SUPT3H: variants seen among roughly 807,000 people sequenced by gnomAD.
SUPT3H encodes transcription initiation protein SPT3 homolog.
A neutral mutation model predicts 44.3 loss-of-function variants in SUPT3H; 44 were observed. That is an observed-to-expected ratio of 0.99 (90% confidence interval 0.78 to 1.28). The LOEUF (loss-of-function observed/expected upper bound fraction) is 1.28. Among genes scored for constraint, SUPT3H ranks in the 50% most tolerant of loss-of-function variants. SUPT3H has a pLI of 0.00. For synonymous variants in SUPT3H, 124 were observed against 125.6 expected, an observed-to-expected ratio of 0.99 and a Z score of 0.09; for missense variants, 380 against 387.1, an observed-to-expected ratio of 0.98 and a Z score of 0.15.
At chr6:44,910,195 T>C (rs990558594) in intron 10 of SUPT3H, among the ~76,000 whole-genome samples, 1 of 152,116 alleles carries the variant, frequency 6.6e-6, no homozygotes, top group Non-Finnish European at 1.5e-5. Context: ...TCTTTTCCCC[T>C]ACACCTTGGA....
At position 45,221,941 on chromosome 6, in the gene SUPT3H, T is replaced by C. The variant is rs184771645; in HGVS notation, c.102-115935A>G. Among the ~76,000 whole-genome samples, 27 of 152,128 alleles carry C rather than the reference T, an allele frequency of 1.8e-4. No individual in the cohort carries two copies. The East Asian group carries it at 4.4e-3, about 25-fold the overall frequency. Reference sequence around the variant, plus strand: ...GTAGATGGACAAAAACATAGATCAATAGAACAGAATACAGAACGCAGAAAT... The same window carrying C: ...GTAGATGGACAAAAACATAGATCAACAGAACAGAATACAGAACGCAGAAAT... On this transcript the variant is annotated intron_variant, in intron 2 of 10. Transcript: ENST00000371459.
chr6:45,295,524 C>CAAAAAAAA lies in SUPT3H; in HGVS notation c.101+69669_101+69676dup, dbSNP rs752887669. On this transcript the variant is annotated intron_variant, in intron 2 of 10. Coordinates refer to ENST00000371459, the MANE Select transcript of SUPT3H (RefSeq NM_003599.4). The stretch of plus-strand genomic sequence containing the variant: ...ATTAAACGAAAGAGCTTTTGCACAG[C>CAAAAAAAA]AAAAAAAAAAAAAAAAAAAAAAAAA... Among the ~76,000 whole-genome samples the CAAAAAAAA allele has an allele frequency of 1.0e-3, 40 of 40,092 alleles. 1 individual carries two copies. Among genetic ancestry groups the CAAAAAAAA allele is most frequent in the East Asian group, 4.9e-3 (2 of 406 alleles). 26.3% of individuals were successfully genotyped at this position (40,092 alleles called of 152,430 possible).
At chr6:45,292,395 C>T (rs758319032) in intron 2 of SUPT3H, among the ~76,000 whole-genome samples, 2 of 151,844 alleles carry the variant, frequency 1.3e-5, no homozygotes, top group Non-Finnish European at 2.9e-5. Flanking sequence ...AAAACAAAAA[C>T]AAAAATACAA....
chr6:45,170,608 A>C (rs919896973), intron 2 of SUPT3H, among the ~76,000 whole-genome samples: 2 of 152,174 alleles, frequency 1.3e-5, no homozygotes, highest in Non-Finnish European at 2.9e-5. Flanking sequence ...CTGAAATAAA[A>C]ATGACTACCA....
intron 2 of SUPT3H, among the ~76,000 whole-genome samples, chr6:45,128,669 G>C (rs976858778): frequency 1.5e-5 from 2 of 135,038 alleles, no homozygotes; most frequent in Non-Finnish European, 3.1e-5. Flanking sequence ...AGAATGAAAA[G>C]TATTTTTTTC....
chr6:45,158,536 T>C (rs1417798968), intron 2 of SUPT3H, among the ~76,000 whole-genome samples: 4 of 151,724 alleles, frequency 2.6e-5, no homozygotes, highest in Non-Finnish European at 5.9e-5. Context: ...CCTCAAAACA[T>C]CTGAACTCTA....
chr6:45,244,543 T>C (rs1336092877), intron 2 of SUPT3H, among the ~76,000 whole-genome samples: 1 of 152,210 alleles, frequency 6.6e-6, no homozygotes, highest in Non-Finnish European at 1.5e-5. Flanking sequence ...TACCTTTTCC[T>C]GAAAACTGGT....
chr6:45,183,952 CA>C lies in SUPT3H; in HGVS notation c.102-77947del, dbSNP rs764402658. On this transcript the variant is annotated intron_variant, in intron 2 of 10. Coordinates refer to ENST00000371459, the MANE Select transcript of SUPT3H (RefSeq NM_003599.4). ...AGGAAGTGAAAGATGAAGGGATGAA[CA>C]GGTAGACACAAAGAATTTTTAGCAC... 2.6e-5 allele frequency among the ~76,000 whole-genome samples: 4 copies of C among 152,208 alleles called. No homozygotes were observed. In the South Asian group the frequency reaches 6.2e-4, roughly 24 times the overall value.
intron 2 of SUPT3H, among the ~76,000 whole-genome samples, chr6:45,261,647 A>T (rs1774387633): frequency 6.6e-6 from 1 of 152,140 alleles, no homozygotes; most frequent in South Asian, 2.1e-4. Flanking sequence ...AGCTGGAAGC[A>T]TTCTCCTTGA....
chr6:45,141,338 C>CAAAAAAAAAAAAAAAAAA (rs1162738855), intron 2 of SUPT3H, among the ~76,000 whole-genome samples: 2 of 45,280 alleles, frequency 4.4e-5, no homozygotes, highest in Non-Finnish European at 3.5e-5. Flanking sequence ...GACTCCATCT[C>CAAAAAAAAAAAAAAAAAA]AAAAAAAAAA....
At chr6:45,127,849 T>G in intron 2 of SUPT3H, among the ~76,000 whole-genome samples, 1 of 152,206 alleles carries the variant, frequency 6.6e-6, no homozygotes, top group East Asian at 1.9e-4. Flanking sequence ...GCTATAAATT[T>G]CTCTGTAGGC....
chr6:44,945,901 C>T (rs1177760341), intron 9 of SUPT3H, among the ~76,000 whole-genome samples: 6 of 152,138 alleles, frequency 3.9e-5, no homozygotes, highest in Non-Finnish European at 8.8e-5. Context: ...CCATCTTGGC[C>T]ATTCATAGCT....
chr6:45,120,239 C>T (rs997801630), intron 2 of SUPT3H, among the ~76,000 whole-genome samples: 8 of 151,290 alleles, frequency 5.3e-5, no homozygotes, highest in South Asian at 2.1e-4. Context: ...GAAGAGACTT[C>T]GGAAGTAATT....
chr6:45,179,931 C>G (rs12196923), intron 2 of SUPT3H, among the ~76,000 whole-genome samples: 34,366 of 151,896 alleles, frequency 0.23, 4,525 homozygotes, highest in Non-Finnish European at 0.31. Context: ...CAAATTGTCC[C>G]TGTTTGCAGA....
At chr6:44,905,280 A>G (rs925560297) in intron 10 of SUPT3H, among the ~76,000 whole-genome samples, 1 of 152,206 alleles carries the variant, frequency 6.6e-6, no homozygotes, top group African/African-American at 2.4e-5. Flanking sequence ...ATCTGACAAA[A>G]GGCTAATATC....
intron 2 of SUPT3H, among the ~76,000 whole-genome samples, chr6:45,280,162 A>T (rs1455304162): frequency 6.6e-6 from 1 of 152,182 alleles, no homozygotes; most frequent in Non-Finnish European, 1.5e-5. Flanking sequence ...AATCAAAAAC[A>T]GGTTCCAAGA....
chr6:44,860,406 T>A (rs1774461117), intron 10 of SUPT3H, among the ~76,000 whole-genome samples: 1 of 152,176 alleles, frequency 6.6e-6, no homozygotes, highest in Admixed American at 6.6e-5. Flanking sequence ...ACATACCCTA[T>A]AATTAGAATC....
intron 3 of SUPT3H, among the ~76,000 whole-genome samples, chr6:45,032,283 T>C (rs1378416223): frequency 1.3e-5 from 2 of 152,154 alleles, no homozygotes; most frequent in African/African-American, 4.8e-5. Flanking sequence ...TAAGCTCAGA[T>C]GTCAGTTCCA....
chr6:45,049,476 AG>A (rs929849164), intron 3 of SUPT3H, among the ~76,000 whole-genome samples: 1 of 152,174 alleles, frequency 6.6e-6, no homozygotes, highest in African/African-American at 2.4e-5. Flanking sequence ...TCACAAAATA[AG>A]GGGTATGGAT....
Sources: gnomAD v4.1 joint callset for allele counts (sites outside exome capture counted in the v4.1 genomes callset) on GRCh38, gnomAD v4.1.1 for gene constraint, MANE v1.5 for transcripts, NCBI Gene and HGNC (gene_info 2026-07-23, HGNC 2026-07-21) for gene names.